SHQ1: variants seen among roughly 807,000 people sequenced by gnomAD.
SHQ1 encodes the protein SHQ1, H/ACA ribonucleoprotein assembly factor.
A neutral mutation model predicts 53.8 loss-of-function variants in SHQ1; 49 were observed. The ratio of observed to expected loss-of-function variants is 0.91; its 90% CI spans 0.72 to 1.16. The LOEUF is 1.16. Ranked by LOEUF, SHQ1 falls within the 50% of genes most tolerant of loss-of-function variation. The pLI, the probability that SHQ1 is intolerant of heterozygous loss-of-function variation, is 0.00. For missense variants in SHQ1, 738 were observed against 683.1 expected, an observed-to-expected ratio of 1.08 and a Z score of -0.90; for synonymous variants, 243 against 251.0, an observed-to-expected ratio of 0.97 and a Z score of 0.30.
chr3:72,833,257 A>G (rs1707876455), intron 4 of SHQ1, among the ~76,000 whole-genome samples: 1 of 152,216 alleles, frequency 6.6e-6, no homozygotes, highest in Middle Eastern at 3.4e-3. Flanking sequence ...CCTGGGCAAC[A>G]TGGAGAAACC....
chr3:72,765,989 A>G lies in SHQ1; in HGVS notation c.1182-15153T>C, dbSNP rs556991528. Reference sequence around the variant, plus strand: ...TAACAGATCATAAAAAGTAAGTAAAATATAGTGTGCTAGATGATATAAGTG... The same window carrying G: ...TAACAGATCATAAAAAGTAAGTAAAGTATAGTGTGCTAGATGATATAAGTG... On this transcript the variant is annotated intron_variant, in intron 10 of 10. Transcript: ENST00000325599. 2.0e-5 allele frequency among the ~76,000 whole-genome samples: 3 copies of G among 152,308 alleles called. No individual in the cohort carries two copies. The South Asian group carries it at 6.2e-4, about 32-fold the overall frequency.
In SHQ1 at chr3:72,768,197, G is replaced by A. The variant is rs142852378; in HGVS notation, c.1182-17361C>T. On this transcript the variant is annotated intron_variant, in intron 10 of 10. Coordinates refer to ENST00000325599, the MANE Select transcript of SHQ1 (RefSeq NM_018130.3). ...CAGAAGAAATCAGCAGAGATAAGCCGACAGGGAAAACATTACACAAATCGC... is the reference window on the plus strand; with the variant it reads ...CAGAAGAAATCAGCAGAGATAAGCCAACAGGGAAAACATTACACAAATCGC... 5.0e-4 allele frequency among the ~76,000 whole-genome samples: 76 copies of A among 152,294 alleles called. No individual in the cohort carries two copies. The East Asian group carries it at 0.013, about 26-fold the overall frequency.
chr3:72,748,998 CAG>C (rs1553687858), downstream of SHQ1, among the ~76,000 whole-genome samples: 9 of 148,580 alleles, frequency 6.1e-5, no homozygotes, highest in African/African-American at 1.5e-4. Flanking sequence ...CACACACACA[CAG>C]GCAGAAGATT....
In SHQ1 at chr3:72,815,464, C is replaced by T. The variant is rs1031208277; in HGVS notation, c.883-61G>A. On this transcript the variant is annotated intron_variant, in intron 7 of 10. Coordinates refer to ENST00000325599, the MANE Select transcript of SHQ1 (RefSeq NM_018130.3). ...TAGAGGTGAAGTCATTTAAATAGACCAAACAAATCCATTTATTCAACCAGT... is the reference window on the plus strand; with the variant it reads ...TAGAGGTGAAGTCATTTAAATAGACTAAACAAATCCATTTATTCAACCAGT... 4 of 1,269,460 alleles carry T rather than the reference C, an allele frequency of 3.2e-6. No homozygotes were observed. In the African/African-American group the frequency reaches 5.9e-5, roughly 19 times the overall value. 78.6% of individuals were successfully genotyped at this position (1,269,460 alleles called of 1,614,324 possible). A position where few individuals can be genotyped will look rare whatever the true frequency, so the allele number is the denominator to read the frequency against.
Position 72,824,482 on chromosome 3 carries a change from A to G in SHQ1, c.669T>C (p.Tyr223=). The G allele has an allele frequency of 1.2e-6, 2 of 1,613,174 alleles. No homozygotes were observed. The highest frequency in any genetic ancestry group is 1.1e-5 in the South Asian group (1 of 90,902). Residue 223 remains tyrosine (Y), a synonymous_variant, in exon 6 of 11, where the codon TAT becomes TAC. Transcript: ENST00000325599. ...LKYNPWWTDK[Y]SKMMAFLEKS... ...TTTCCAAAAAGGCCATCATTTTTGA[A>G]TATTTGTCAGTCCACCAAGGATTAT...
At chr3:72,804,001 C>T (rs772278339) in intron 9 of SHQ1, among the ~76,000 whole-genome samples, 43 of 152,230 alleles carry the variant, frequency 2.8e-4, no homozygotes, top group African/African-American at 7.7e-4. Flanking sequence ...ACTGTAACCT[C>T]GAACTCCTGG....
chr3:72,803,538 T>C (rs1706854013), intron 9 of SHQ1, among the ~76,000 whole-genome samples: 1 of 152,194 alleles, frequency 6.6e-6, no homozygotes, highest in African/African-American at 2.4e-5. Context: ...GGCCACTATT[T>C]GGAATGGCAA....
intron 10 of SHQ1, among the ~76,000 whole-genome samples, chr3:72,763,599 G>A (rs1004504722): frequency 9.2e-5 from 14 of 152,152 alleles, no homozygotes; most frequent in East Asian, 5.8e-4. Context: ...AGGTCACACC[G>A]GATTAGGGAA....
the SHQ1 span, among the ~76,000 whole-genome samples, chr3:72,742,357 AT>A: frequency 0.013 from 2,035 of 152,294 alleles, 37 homozygotes; most frequent in African/African-American, 0.045. Context: ...CGCTAATCAG[AT>A]TTACATTTGA....
downstream of SHQ1, among the ~76,000 whole-genome samples, chr3:72,747,763 G>A (rs932786386): frequency 4.6e-5 from 7 of 152,072 alleles, no homozygotes; most frequent in Non-Finnish European, 1.0e-4. Context: ...TAAGGCGGGT[G>A]GATCACCTGA....
At chr3:72,742,349 C>G in the SHQ1 span, among the ~76,000 whole-genome samples, 1 of 151,854 alleles carries the variant, frequency 6.6e-6, no homozygotes, top group Non-Finnish European at 1.5e-5. Flanking sequence ...AAAATCCTCG[C>G]TAATCAGATT....
chr3:72,805,006 C>T (rs975683238), intron 9 of SHQ1, among the ~76,000 whole-genome samples: 1 of 152,174 alleles, frequency 6.6e-6, no homozygotes, highest in African/African-American at 2.4e-5. Flanking sequence ...ATGGTAGAGT[C>T]CACTACACAC....
At chr3:72,730,113 C>T in the SHQ1 span, among the ~76,000 whole-genome samples, 6 of 151,330 alleles carry the variant, frequency 4.0e-5, no homozygotes, top group South Asian at 2.1e-4. Flanking sequence ...CCACCGTGCC[C>T]GGCCCTAAAT....
intron 9 of SHQ1, among the ~76,000 whole-genome samples, chr3:72,802,178 TC>T (rs1300703410): frequency 1.3e-5 from 2 of 152,230 alleles, no homozygotes; most frequent in African/African-American, 4.8e-5. Flanking sequence ...GCCCTGGCAC[TC>T]CCATTACTGG....
chr3:72,772,492 C>T, intron 10 of SHQ1: 1 of 545,720 alleles, frequency 1.8e-6, no homozygotes, highest in Non-Finnish European at 3.5e-6. Context: ...CATACAGATG[C>T]ATCTGGACCC....
At chr3:72,746,869 C>A (rs1209066233), downstream of SHQ1, among the ~76,000 whole-genome samples, 1 of 152,178 alleles carries the variant, frequency 6.6e-6, no homozygotes, top group Non-Finnish European at 1.5e-5. Flanking sequence ...CTTTTTCAAA[C>A]TGGCTTCAGA....
At chr3:72,737,215 T>C in the SHQ1 span, among the ~76,000 whole-genome samples, 1 of 151,802 alleles carries the variant, frequency 6.6e-6, no homozygotes, top group Non-Finnish European at 1.5e-5. Flanking sequence ...GAGGTAGAGG[T>C]TGCAGTGAGC....
chr3:72,820,506 A>T (rs530790732), intron 6 of SHQ1, among the ~76,000 whole-genome samples: 2 of 152,222 alleles, frequency 1.3e-5, no homozygotes, highest in African/African-American at 4.8e-5. Flanking sequence ...AGAGAAACCA[A>T]AAGTCTGAGC....
rs752517147 is a variant in SHQ1 at position 72,824,503 on chromosome 3, A to G, written c.648T>C (p.Asn216=). Residue 216 remains asparagine, a synonymous_variant, in exon 6 of 11, where the codon AAT becomes AAC. Transcript: ENST00000325599. The part of the protein sequence containing the change: ...DEAIEQILKY[N]PWWTDKYSKM... The stretch of plus-strand genomic sequence containing the variant: ...TTGAATATTTGTCAGTCCACCAAGG[A>G]TTATACTTCAAAATCTGTTCAATCG... The G allele has an allele frequency of 1.9e-6, 3 of 1,612,840 alleles. No homozygotes were observed. Among genetic ancestry groups the G allele is most frequent in the Non-Finnish European group, 2.5e-6 (3 of 1,179,606 alleles).
Sources: gnomAD v4.1 joint callset for allele counts (sites outside exome capture counted in the v4.1 genomes callset) on GRCh38, gnomAD v4.1.1 for gene constraint, MANE v1.5 for transcripts, NCBI Gene and HGNC (gene_info 2026-07-23, HGNC 2026-07-21) for gene names.